The following COL12A1 variants were observed in gnomAD, a reference collection of about 807,000 sequenced individuals.
The protein encoded by COL12A1 is collagen type XII alpha 1 chain.
A neutral mutation model predicts 349.7 loss-of-function variants in COL12A1; 114 were observed. That is an observed-to-expected ratio of 0.33 (90% CI 0.28 to 0.38). The LOEUF is 0.38. Among genes scored for constraint, COL12A1 ranks in the 10% least tolerant of loss-of-function variants. The pLI is 1.00. For synonymous variants in COL12A1, 1,369 were observed against 1,329.0 expected (o/e 1.03, Z -0.66); for missense variants, 3,284 against 3,756.9 (o/e 0.87, Z 3.29).
At chr6:75,110,287 C>T (rs193267674) in intron 51 of COL12A1, among the ~76,000 whole-genome samples, 1 of 152,150 alleles carries the variant, frequency 6.6e-6, no homozygotes, top group Admixed American at 6.5e-5. Flanking sequence ...TGAAAAACCA[C>T]AGTATCCAGA....
chr6:75,101,508 C>A lies in COL12A1; in HGVS notation c.8523+92G>T, dbSNP rs965916724. On this transcript the variant is annotated intron_variant, in intron 58 of 65. Transcript: ENST00000322507. Reference sequence around the variant, plus strand: ...AGCTTTCCACAAGATATATTACCAGCCTTGCAAACTGGATTTTGAAGGGTT... The same window carrying A: ...AGCTTTCCACAAGATATATTACCAGACTTGCAAACTGGATTTTGAAGGGTT... 8.8e-6 allele frequency: 11 copies of A among 1,248,884 alleles called. No individual in the cohort carries two copies. In the African/African-American group the frequency reaches 1.7e-4, roughly 19 times the overall value. 77.4% of individuals were successfully genotyped at this position (1,248,884 alleles called of 1,614,324 possible).
At chr6:75,143,084 A>T in intron 26 of COL12A1, 168 bp downstream of exon 26, 1 of 679,074 alleles carries the variant, frequency 1.5e-6, no homozygotes, top group Non-Finnish European at 2.4e-6. Flanking sequence ...ACAGTCCAAT[A>T]TATCATTGAT....
At chr6:75,177,541 C>G in intron 12 of COL12A1, 122 bp downstream of exon 12, 1 of 1,238,104 alleles carries the variant, frequency 8.1e-7, no homozygotes, top group Non-Finnish European at 1.2e-6. Context: ...GGACTATGGT[C>G]TAACATACTC....
intron 27 of COL12A1, among the ~76,000 whole-genome samples, chr6:75,140,126 GA>G (rs1766820786): frequency 6.6e-6 from 1 of 152,134 alleles, no homozygotes; most frequent in African/African-American, 2.4e-5. Flanking sequence ...CTACTATACT[GA>G]ATTACCTGTC....
chr6:75,132,070 A>C lies in COL12A1; in HGVS notation c.5807T>G (p.Leu1936Arg). Residue 1936 changes from leucine to arginine, a missense_variant, in exon 35 of 66, where the codon CTG becomes CGG. Transcript: ENST00000322507. The stretch of plus-strand genomic sequence containing the variant: ...ATTGTATACTTGGACATTTCTTGCC[A>C]GTCCTCTCATCACTGAGGAAATGAA... ...SDTGRTLMRG[L>R]ARNVQVYNPT... 1 of 1,614,072 alleles carries C rather than the reference A, an allele frequency of 6.2e-7. No homozygotes were observed. Among genetic ancestry groups the C allele is most frequent in the Non-Finnish European group, 8.5e-7 (1 of 1,179,938 alleles).
chr6:75,090,655 ATATC>A lies in COL12A1; in HGVS notation c.8753-361_8753-358del, dbSNP rs948865118. On this transcript the variant is annotated intron_variant, in intron 62 of 65. Transcript: ENST00000322507. The surrounding 1 kb of genome is among the most constrained non-coding windows in gnomAD (Gnocchi z 4.1). Reference sequence around the variant, plus strand: ...ATTAGATAATTCTACAATTTTTTGTATATCTAAGGCAATGATAATCAGGTTTCAG... The same window carrying A: ...ATTAGATAATTCTACAATTTTTTGTATAAGGCAATGATAATCAGGTTTCAG... Among the ~76,000 whole-genome samples, 46 of 152,332 alleles carry A rather than the reference ATATC, an allele frequency of 3.0e-4. No homozygotes were observed. The highest frequency in any genetic ancestry group is 1.0e-3 in the African/African-American group (43 of 41,570).
chr6:75,092,927 G>C (rs974617217), intron 60 of COL12A1, among the ~76,000 whole-genome samples: 2 of 152,150 alleles, frequency 1.3e-5, no homozygotes, highest in Admixed American at 1.3e-4. Flanking sequence ...CCTGTTGGAT[G>C]TTCCTTTCAC....
At chr6:75,155,556 C>T (rs1340159226) in intron 16 of COL12A1, 106 bp downstream of exon 16, 3 of 1,118,490 alleles carry the variant, frequency 2.7e-6, no homozygotes, top group Non-Finnish European at 3.8e-6. Flanking sequence ...TGCTGGCAAA[C>T]AGACATATAA....
chr6:75,119,593 T>C, intron 44 of COL12A1, 120 bp from the exon 45 acceptor site: 1 of 1,126,676 alleles, frequency 8.9e-7, no homozygotes, highest in South Asian at 1.8e-5. Context: ...TCAGACCTGA[T>C]AGAATATTGT....
At position 75,189,756 on chromosome 6, in the gene COL12A1, C is replaced by G. The variant is rs1231442135; in HGVS notation, c.454G>C (p.Gly152Arg). Residue 152 changes from glycine (G) to arginine (R), a missense_variant, in exon 6 of 66, where the codon GGA becomes CGA. By Grantham distance (125) the Gly-to-Arg change is moderately radical (BLOSUM62 -2). This residue lies in a region of COL12A1 where 2,601 missense variants were observed against 2,824.8 expected (regional missense o/e 0.92). Coordinates refer to ENST00000322507, the MANE Select transcript of COL12A1 (RefSeq NM_004370.6). ...VFLVDGSWSV[G>R]RNNFKYILDF... Reference sequence around the variant, plus strand: ...AAAATGTACTTGAAATTATTTCTTCCCACACTCCAAGAGCCATCCACGAGG... The same window carrying G: ...AAAATGTACTTGAAATTATTTCTTCGCACACTCCAAGAGCCATCCACGAGG... The G allele has an allele frequency of 6.2e-7, 1 of 1,613,248 alleles. No homozygotes were observed. Among genetic ancestry groups the G allele is most frequent in the African/African-American group, 1.3e-5 (1 of 74,988 alleles).
chr6:75,138,184 A>C lies in COL12A1; in HGVS notation c.5251+136T>G, dbSNP rs1014388800. ...AAGCAAAGTTTTTCAAGAAAAGCCT[A>C]TGTAAAAGAGTTCTCAATGAACATC... is the stretch of plus-strand genomic sequence containing the variant. On this transcript the variant is annotated intron_variant, in intron 30 of 65. Transcript: ENST00000322507. 5 of 939,496 alleles carry C rather than the reference A, an allele frequency of 5.3e-6. No homozygotes were observed. In the Admixed American group the frequency reaches 1.4e-4, roughly 26 times the overall value. The allele number at this position is 939,496 out of a possible 1,614,324, so 58.2% of individuals were successfully genotyped here. A position where few individuals can be genotyped will look rare whatever the true frequency, so the allele number is the denominator to read the frequency against.
intron 14 of COL12A1, among the ~76,000 whole-genome samples, chr6:75,158,543 A>G (rs1212997319): frequency 1.3e-5 from 2 of 152,188 alleles, no homozygotes; most frequent in African/African-American, 4.8e-5. Flanking sequence ...ACACATAATA[A>G]GAAGAAAAAT....
chr6:75,138,477 C>T lies in COL12A1; in HGVS notation c.5201G>A (p.Ser1734Asn). 1 of 1,614,022 alleles carries T rather than the reference C, an allele frequency of 6.2e-7. No homozygotes were observed. Among genetic ancestry groups the T allele is most frequent in the Non-Finnish European group, 8.5e-7 (1 of 1,179,938 alleles). Residue 1734 changes from serine (S) to asparagine (N), a missense_variant, in exon 29 of 66, where the codon AGT becomes AAT. Physicochemically the swap from Ser to Asn is conservative, Grantham distance 46. Coordinates refer to ENST00000322507, the MANE Select transcript of COL12A1 (RefSeq NM_004370.6). ...GCGCTCACTGCCAATCAGGTCATCA[C>T]TTTCTGACTCATCAGGATAGATGGC... is the stretch of plus-strand genomic sequence containing the variant. The part of the protein sequence containing the change: ...ITAIYPDESE[S>N]DDLIGSERTL...
At chr6:75,113,871 G>A in intron 49 of COL12A1, 127 bp from the exon 50 acceptor site, 3 of 704,378 alleles carry the variant, frequency 4.3e-6, no homozygotes, top group African/African-American at 1.8e-5. Context: ...TCTCATATGG[G>A]TAGTATTAGA....
chr6:75,133,147 G>A (rs917577369), intron 34 of COL12A1, 146 bp downstream of exon 34: 1 of 591,288 alleles, frequency 1.7e-6, no homozygotes, highest in Non-Finnish European at 2.7e-6. Context: ...AACATTTGGT[G>A]TTAGGAAGGT....
intron 14 of COL12A1, among the ~76,000 whole-genome samples, chr6:75,160,164 G>T (rs1302485056): frequency 1.3e-5 from 2 of 151,874 alleles, no homozygotes; most frequent in African/African-American, 4.8e-5. Context: ...CTCTCACATT[G>T]TAAGTTCTTT....
Position 75,106,159 on chromosome 6 carries a change from T to G in COL12A1, c.8178+260A>C, listed in dbSNP as rs75161929. On this transcript the variant is annotated intron_variant, in intron 53 of 65. Transcript: ENST00000322507. ...AATAAGAGGGCTTTACAGTAAGTGG[T>G]CTTATCAAACACATTAACTCAGCAG... Among the ~76,000 whole-genome samples, 6,004 of 152,280 alleles carry G rather than the reference T, an allele frequency of 0.039. 213 individuals carry two copies. Among genetic ancestry groups the G allele is most frequent in the East Asian group, 0.19 (972 of 5,168 alleles).
In COL12A1 at chr6:75,165,515, G is replaced by A. The variant is rs1285101542; in HGVS notation, c.2975C>T (p.Thr992Ile). 2.5e-6 allele frequency: 4 copies of A among 1,613,334 alleles called. No individual in the cohort carries two copies. Among genetic ancestry groups the A allele is most frequent in the Non-Finnish European group, 2.5e-6 (3 of 1,179,756 alleles). The change falls in exon 14 of 66, where the codon ACA becomes ATA. Residue 992 changes from threonine to isoleucine, a missense_variant. Thr to Ile is a moderately conservative substitution (Grantham distance 89). Transcript: ENST00000322507. ...CCCATAATGTTACCTACATTCAGTT[G>A]TGGCATCTCCAGTCAAAGGTTCTCC... ...GEGEPLTGDA[T>I]TELSQDSKTL...
intron 35 of COL12A1, among the ~76,000 whole-genome samples, chr6:75,131,342 T>C (rs1429064786): frequency 1.3e-5 from 2 of 152,218 alleles, no homozygotes; most frequent in African/African-American, 2.4e-5. Flanking sequence ...AGATTTTGTG[T>C]TGAAATAGAG....
Sources: gnomAD v4.1 joint callset for allele counts (sites outside exome capture counted in the v4.1 genomes callset) on GRCh38, gnomAD v4.1.1 for gene constraint, gnomAD v4.1.1 regional missense constraint, Gnocchi (gnomAD v3.1) non-coding constraint, MANE v1.5 for transcripts, NCBI Gene and HGNC (gene_info 2026-07-23, HGNC 2026-07-21) for gene names.